The following BCAS3 variants were observed in gnomAD, a reference collection of about 807,000 sequenced individuals.
BCAS3 encodes BCAS4/BCAS3 fusion.
In BCAS3, 53 loss-of-function variants were observed where a neutral mutation model predicts 116.1. The ratio of observed to expected loss-of-function variants is 0.46; its 90% confidence interval spans 0.37 to 0.57. The LOEUF (loss-of-function observed/expected upper bound fraction) is 0.57, where lower values mean the gene tolerates loss of function less well. BCAS3 is among the 20% of genes least tolerant of loss of function. The pLI, the probability that BCAS3 is intolerant of heterozygous loss-of-function variation, is 0.00. For synonymous variants in BCAS3, 391 were observed against 408.2 expected (o/e 0.96, Z 0.51); for missense variants, 917 against 1,165.4 (o/e 0.79, Z 3.10).
chr17:60,873,361 A>G (rs922865482), intron 8 of BCAS3, among the ~76,000 whole-genome samples: 1 of 152,192 alleles, frequency 6.6e-6, no homozygotes, highest in African/African-American at 2.4e-5. Context: ...TTAATAAAGC[A>G]TGCATATGAA....
chr17:61,154,868 T>C (rs2077742677), intron 22 of BCAS3, among the ~76,000 whole-genome samples: 1 of 152,102 alleles, frequency 6.6e-6, no homozygotes, highest in African/African-American at 2.4e-5. Flanking sequence ...AATATATTTT[T>C]ACTCTTAAAT....
At chr17:61,050,649 T>C (rs535699910) in intron 19 of BCAS3, among the ~76,000 whole-genome samples, 1 of 152,158 alleles carries the variant, frequency 6.6e-6, no homozygotes, top group South Asian at 2.1e-4. Flanking sequence ...CATGTAATTC[T>C]AACCATATCA....
intron 7 of BCAS3, among the ~76,000 whole-genome samples, chr17:60,866,154 A>G (rs2054574187): frequency 6.7e-6 from 1 of 149,718 alleles, no homozygotes; most frequent in Non-Finnish European, 1.5e-5. Context: ...TTTTTGAGAC[A>G]GAGTTTCACT....
rs1212505135 is a variant in BCAS3 at position 60,960,551 on chromosome 17, T to C, written c.1221+13199T>C. Among the ~76,000 whole-genome samples, 2 of 152,224 alleles carry C rather than the reference T, an allele frequency of 1.3e-5. No homozygotes were observed. Among genetic ancestry groups the C allele is most frequent in the African/African-American group, 4.8e-5 (2 of 41,456 alleles). ...TGTTTCAAGGCCAGAGTTTCCCATCTGGCTTGAGGCACTGCCCTCCTGGAC... is the reference window on the plus strand; with the variant it reads ...TGTTTCAAGGCCAGAGTTTCCCATCCGGCTTGAGGCACTGCCCTCCTGGAC... On this transcript the variant is annotated intron_variant, in intron 14 of 23. Coordinates refer to ENST00000407086, the MANE Select transcript of BCAS3 (RefSeq NM_017679.5). The surrounding 1 kb of genome is among the most constrained non-coding windows in gnomAD (Gnocchi z 4.1).
chr17:61,153,075 A>C (rs373760343), intron 22 of BCAS3, among the ~76,000 whole-genome samples: 1 of 152,164 alleles, frequency 6.6e-6, no homozygotes, highest in East Asian at 1.9e-4. Context: ...TAGAAGCTGG[A>C]ACTCCCTTTC....
chr17:60,686,774 C>T (rs574846155), intron 3 of BCAS3, among the ~76,000 whole-genome samples: 3 of 152,240 alleles, frequency 2.0e-5, no homozygotes, highest in South Asian at 2.1e-4. Flanking sequence ...GATCCTCCTG[C>T]CTTGGCCTCG....
intron 22 of BCAS3, among the ~76,000 whole-genome samples, chr17:61,253,018 C>T (rs2048484707): frequency 6.6e-6 from 1 of 151,242 alleles, no homozygotes; most frequent in Admixed American, 6.6e-5. Context: ...TAGCTGGGAT[C>T]ACAGGCATGT....
chr17:61,122,340 G>C lies in BCAS3; in HGVS notation c.2425+37776G>C, dbSNP rs1369178952. 6.6e-6 allele frequency among the ~76,000 whole-genome samples: 1 copy of C among 152,178 alleles called. No individual in the cohort carries two copies. Among genetic ancestry groups the C allele is most frequent in the African/African-American group, 2.4e-5 (1 of 41,442 alleles). ...GAAAATCTGTCTCACATTCACTCAG[G>C]CTGCCCTTGGTTTTGAGCCAGATAA... On this transcript the variant is annotated intron_variant, in intron 22 of 23. Coordinates refer to ENST00000407086, the MANE Select transcript of BCAS3 (RefSeq NM_017679.5). This position sits in a 1 kb window ranked among gnomAD's most constrained non-coding sequence, Gnocchi z 4.6.
chr17:61,258,364 G>A lies in BCAS3; in HGVS notation c.2426-109963G>A, dbSNP rs546305647. Among the ~76,000 whole-genome samples, 4 of 152,320 alleles carry A rather than the reference G, an allele frequency of 2.6e-5. No homozygotes were observed. In the East Asian group the frequency reaches 7.7e-4, roughly 29 times the overall value. ...GATATCCACCATAATGTGTAGCGTAGTTCCTAGGAGGCTGCATGGTATGAT... is the reference window on the plus strand; with the variant it reads ...GATATCCACCATAATGTGTAGCGTAATTCCTAGGAGGCTGCATGGTATGAT... On this transcript the variant is annotated intron_variant, in intron 22 of 23. Transcript: ENST00000407086. The surrounding 1 kb of genome is among the most constrained non-coding windows in gnomAD (Gnocchi z 4.7).
At chr17:60,850,279 T>A (rs941980903) in intron 7 of BCAS3, among the ~76,000 whole-genome samples, 8 of 150,898 alleles carry the variant, frequency 5.3e-5, no homozygotes, top group African/African-American at 1.5e-4. Context: ...AGTTCCTCTG[T>A]CCTGAGAATT....
chr17:61,240,281 G>C (rs1268736132), intron 22 of BCAS3, among the ~76,000 whole-genome samples: 1 of 152,174 alleles, frequency 6.6e-6, no homozygotes, highest in African/African-American at 2.4e-5. Flanking sequence ...GAAGATAAGT[G>C]GTAGGGACAG....
At chr17:61,257,123 T>C (rs2048837690) in intron 22 of BCAS3, among the ~76,000 whole-genome samples, 6 of 152,026 alleles carry the variant, frequency 3.9e-5, no homozygotes. Flanking sequence ...ATCACATTGC[T>C]AATAAAGGGC....
chr17:60,689,903 G>T (rs985549724), intron 4 of BCAS3, 142 bp downstream of exon 4: 3 of 594,314 alleles, frequency 5.0e-6, no homozygotes, highest in Non-Finnish European at 5.9e-6. Context: ...TAGCATAACC[G>T]CAGTACAGAA....
intron 5 of BCAS3, among the ~76,000 whole-genome samples, chr17:60,713,368 A>G (rs772277575): frequency 3.9e-5 from 6 of 152,184 alleles, no homozygotes; most frequent in Non-Finnish European, 5.9e-5. Flanking sequence ...ACTTATAACC[A>G]TTATTCATTA....
At chr17:61,117,956 A>G (rs754546832) in intron 22 of BCAS3, among the ~76,000 whole-genome samples, 15 of 151,990 alleles carry the variant, frequency 9.9e-5, no homozygotes, top group Admixed American at 2.6e-4. Context: ...CATTTTTATC[A>G]TGGCTGCTTT....
chr17:60,919,908 G>A (rs1414480521), intron 12 of BCAS3, among the ~76,000 whole-genome samples: 1 of 151,962 alleles, frequency 6.6e-6, no homozygotes, highest in Non-Finnish European at 1.5e-5. Flanking sequence ...AAATATTAAT[G>A]CTAAAAATAT....
At chr17:60,757,863 A>G (rs2043151857) in intron 6 of BCAS3, among the ~76,000 whole-genome samples, 1 of 151,938 alleles carries the variant, frequency 6.6e-6, no homozygotes, top group Non-Finnish European at 1.5e-5. Flanking sequence ...TGTTTTCCAT[A>G]TATATATATT....
chr17:61,372,386 A>G (rs1158318128), intron 23 of BCAS3, among the ~76,000 whole-genome samples: 2 of 152,148 alleles, frequency 1.3e-5, no homozygotes, highest in African/African-American at 4.8e-5. Context: ...CTTCTCTCTC[A>G]GTACCTGGCA....
chr17:60,678,265 G>C (rs2032322384), intron 1 of BCAS3, among the ~76,000 whole-genome samples: 1 of 152,182 alleles, frequency 6.6e-6, no homozygotes, highest in African/African-American at 2.4e-5. Flanking sequence ...TGGAGGTGCA[G>C]GTATCCTCTG....
Sources: allele counts gnomAD v4.1 joint callset (sites outside exome capture counted in the v4.1 genomes callset), GRCh38; gene constraint gnomAD v4.1.1; non-coding constraint Gnocchi (gnomAD v3.1); transcripts MANE v1.5; gene names NCBI Gene and HGNC (gene_info 2026-07-23, HGNC 2026-07-21).